The following TMA16 variants were observed in gnomAD, a reference collection of about 807,000 sequenced individuals.
TMA16 encodes translation machinery-associated protein 16.
TMA16 carries 26 observed loss-of-function variants against 27.1 expected under a neutral mutation model. The observed-to-expected ratio is 0.96, with a 90% confidence interval of 0.70 to 1.33. The LOEUF is 1.33. Among genes scored for constraint, TMA16 ranks in the 40% most tolerant of loss-of-function variants. The pLI is 0.00. For synonymous variants in TMA16, 71 were observed against 81.9 expected, an observed-to-expected ratio of 0.87 and a Z score of 0.72; for missense variants, 233 against 241.4, an observed-to-expected ratio of 0.97 and a Z score of 0.23.
intron 2 of TMA16, among the ~76,000 whole-genome samples, chr4:163,508,795 C>G (rs1737752159): frequency 6.6e-6 from 1 of 152,060 alleles, no homozygotes; most frequent in Non-Finnish European, 1.5e-5. Context: ...GACCGTGAGC[C>G]TACAATGTTT....
At chr4:163,512,194 C>G (rs13145310) in intron 2 of TMA16, among the ~76,000 whole-genome samples, 62,438 of 151,788 alleles carry the variant, frequency 0.41, 13,951 homozygotes, top group Admixed American at 0.55. Context: ...TTTTTCAGGA[C>G]AGGGACAGTG....
intron 5 of TMA16, chr4:163,515,889 T>G (rs1330072476): frequency 6.3e-6 from 1 of 159,888 alleles, no homozygotes. Context: ...CTTATTCCAG[T>G]CAGTGGCATT....
intron 1 of TMA16, 143 bp from the exon 2 acceptor site, chr4:163,506,888 ATC>A (rs1439303538): frequency 1.6e-6 from 1 of 619,212 alleles, no homozygotes; most frequent in African/African-American, 1.9e-5. Context: ...ATCCTGGCTT[ATC>A]TCCTGATTTT....
Position 163,515,471 on chromosome 4 carries a change from C to G in TMA16, c.388+10C>G. On this transcript the variant is annotated intron_variant, in intron 5 of 6. Coordinates refer to ENST00000358572, the MANE Select transcript of TMA16 (RefSeq NM_018352.3). Reference sequence around the variant, plus strand: ...GAGGGATATGGCCTTGGTGTGCTCACTGATTTTTTATTTTCCTTTTATATG... The same window carrying G: ...GAGGGATATGGCCTTGGTGTGCTCAGTGATTTTTTATTTTCCTTTTATATG... The G allele has an allele frequency of 1.2e-6, 2 of 1,602,440 alleles. No homozygotes were observed. Among genetic ancestry groups the G allele is most frequent in the Non-Finnish European group, 1.7e-6 (2 of 1,176,334 alleles).
At chr4:163,496,023 A>T (rs1027926470) in intron 1 of TMA16, among the ~76,000 whole-genome samples, 1 of 152,248 alleles carries the variant, frequency 6.6e-6, no homozygotes, top group Admixed American at 6.5e-5. Flanking sequence ...GTCCTTGACT[A>T]TCAGAGCTTC....
chr4:163,499,988 T>A (rs1335907062), intron 1 of TMA16, among the ~76,000 whole-genome samples: 1 of 152,150 alleles, frequency 6.6e-6, no homozygotes, highest in South Asian at 2.1e-4. Flanking sequence ...TTACATAATA[T>A]ACACTTTAAG....
Position 163,519,506 on chromosome 4 carries a change from G to T in TMA16, c.604G>T (p.Val202Leu). 6.3e-7 allele frequency: 1 copy of T among 1,588,748 alleles called. No individual in the cohort carries two copies. Among genetic ancestry groups the T allele is most frequent in the Non-Finnish European group, 8.5e-7 (1 of 1,171,584 alleles). Residue 202 changes from valine to leucine, a missense_variant, in exon 7 of 7, where the codon GTG (valine) becomes TTG (leucine). Transcript: ENST00000358572. ...TGATTCAGATGAGGAAATGACTGCA[G>T]TGGCCTAATTGTCTTCACTTGAATT... The part of the protein sequence containing the change: ...SSDSDEEMTA[V>L]A
chr4:163,496,439 A>G (rs1172160565), intron 1 of TMA16, among the ~76,000 whole-genome samples: 1 of 152,154 alleles, frequency 6.6e-6, no homozygotes, highest in Non-Finnish European at 1.5e-5. Flanking sequence ...TACTTTGCTC[A>G]TTAATGTTCT....
chr4:163,507,228 A>G, intron 2 of TMA16, 83 bp downstream of exon 2: 1 of 1,177,818 alleles, frequency 8.5e-7, no homozygotes, highest in Non-Finnish European at 1.2e-6. Context: ...ATCCTTTCAC[A>G]GTATTGTCTC....
At position 163,518,507 on chromosome 4, in the gene TMA16, GAAAC is replaced by G. The variant is rs201546805; in HGVS notation, c.432-823_432-820del. Among the ~76,000 whole-genome samples the G allele has an allele frequency of 7.7e-3, 1,169 of 151,786 alleles. 19 individuals carry two copies. The highest frequency in any genetic ancestry group is 0.027 in the African/African-American group (1,112 of 41,540). On this transcript the variant is annotated intron_variant, in intron 6 of 6. Transcript: ENST00000358572. ...AAGGCCTAATATCTGGAATCTATAAGAAACAAATGAATCAACAAGCAGTTTTTTA... is the reference window on the plus strand; with the variant it reads ...AAGGCCTAATATCTGGAATCTATAAGAAATGAATCAACAAGCAGTTTTTTA...
At chr4:163,496,082 T>C (rs1737548558) in intron 1 of TMA16, among the ~76,000 whole-genome samples, 1 of 152,198 alleles carries the variant, frequency 6.6e-6, no homozygotes, top group East Asian at 1.9e-4. Context: ...GGCATAGAAG[T>C]CAAAAGAGTG....
Position 163,519,316 on chromosome 4 carries a change from T to C in TMA16, c.432-18T>C. On this transcript the variant is annotated intron_variant, in intron 6 of 6. Transcript: ENST00000358572. ...TTACCAACACTCTGCACTCTTTTTT[T>C]TTTTTCCTTTTGTCTAGGGAATGGG... 6.5e-7 allele frequency: 1 copy of C among 1,543,796 alleles called. No homozygotes were observed. The highest frequency in any genetic ancestry group is 8.7e-7 in the Non-Finnish European group (1 of 1,152,606).
At chr4:163,500,921 A>G (rs1008121685) in intron 1 of TMA16, among the ~76,000 whole-genome samples, 1 of 152,226 alleles carries the variant, frequency 6.6e-6, no homozygotes, top group African/African-American at 2.4e-5. Flanking sequence ...GAAGGCAAGT[A>G]CTATTGTATT....
intron 1 of TMA16, among the ~76,000 whole-genome samples, chr4:163,499,113 AGTTTTT>A (rs1455110783): frequency 6.6e-6 from 1 of 152,112 alleles, no homozygotes; most frequent in Non-Finnish European, 1.5e-5. Flanking sequence ...ATTTCATTGA[AGTTTTT>A]GTTTTTAAAG....
chr4:163,498,144 G>A (rs1009689189), intron 1 of TMA16, among the ~76,000 whole-genome samples: 2 of 152,014 alleles, frequency 1.3e-5, no homozygotes, highest in Admixed American at 6.5e-5. Flanking sequence ...TACTTAACCC[G>A]ATCTGTGATA....
At chr4:163,510,014 A>C (rs763285191) in intron 2 of TMA16, among the ~76,000 whole-genome samples, 9 of 152,316 alleles carry the variant, frequency 5.9e-5, no homozygotes, top group African/African-American at 2.2e-4. Context: ...TCATATTTAC[A>C]TGCAAGTACT....
At chr4:163,503,530 C>T (rs1021586289) in intron 1 of TMA16, among the ~76,000 whole-genome samples, 2 of 152,110 alleles carry the variant, frequency 1.3e-5, no homozygotes, top group African/African-American at 2.4e-5. Flanking sequence ...GCGTATTGCC[C>T]CTAAAATAAC....
At chr4:163,501,923 C>T (rs1430078832) in intron 1 of TMA16, among the ~76,000 whole-genome samples, 1 of 152,134 alleles carries the variant, frequency 6.6e-6, no homozygotes, top group Non-Finnish European at 1.5e-5. Flanking sequence ...CATTTTCTAG[C>T]CAGCACTTAC....
At chr4:163,517,311 C>T (rs1351819086) in intron 5 of TMA16, 123 bp from the exon 6 acceptor site, 10 of 881,938 alleles carry the variant, frequency 1.1e-5, no homozygotes, top group Non-Finnish European at 1.6e-5. Context: ...ATGTTAATTA[C>T]AGCAATACTT....
Sources: gnomAD v4.1 joint callset for allele counts (sites outside exome capture counted in the v4.1 genomes callset) on GRCh38, gnomAD v4.1.1 for gene constraint, MANE v1.5 for transcripts, NCBI Gene and HGNC (gene_info 2026-07-23, HGNC 2026-07-21) for gene names.